CHD3: variants seen among roughly 807,000 people sequenced by gnomAD.
CHD3 encodes the protein chromodomain helicase DNA binding protein 3.
In CHD3, 52 loss-of-function variants were observed where a neutral mutation model predicts 248.9. That is an observed-to-expected ratio of 0.21 (90% confidence interval 0.17 to 0.26). The LOEUF is 0.26. Ranked by LOEUF, CHD3 falls within the 10% of genes least tolerant of loss-of-function variation. The probability of loss-of-function intolerance (pLI) is 1.00; values close to 1 mark genes in which losing one functional copy is unlikely to be tolerated. For synonymous variants in CHD3, 985 were observed against 985.2 expected, an observed-to-expected ratio of 1.00 and a Z score of 0.00; for missense variants, 1,482 against 2,605.8, an observed-to-expected ratio of 0.57 and a Z score of 9.39.
upstream of CHD3, among the ~76,000 whole-genome samples, chr17:7,886,773 C>A (rs992064063): frequency 1.3e-5 from 2 of 152,182 alleles, no homozygotes; most frequent in African/African-American, 4.8e-5. The surrounding 1 kb of genome is among the most constrained non-coding windows in gnomAD (Gnocchi z 4.2). Flanking sequence ...CTGCCAGGGG[C>A]TTGGCAGCGC....
Position 7,893,844 on chromosome 17 carries a change from C to T in CHD3, c.833C>T (p.Pro278Leu). The stretch of plus-strand genomic sequence containing the variant: ...AGGCGGAGTAAGAGCCCCCGAGTGC[C>T]TGATGGACGCAAGAAGCTTCGGGGA... ...HKRRSKSPRV[P>L]DGRKKLRGKK... Residue 278 changes from proline to leucine, a missense_variant, in exon 6 of 40, where the codon CCT (proline) becomes CTT (leucine). This residue lies in a region of CHD3 where 149 missense variants were observed against 182.6 expected (regional missense o/e 0.82). Transcript: ENST00000330494. 1 of 1,614,090 alleles carries T rather than the reference C, an allele frequency of 6.2e-7. No homozygotes were observed. The highest frequency in any genetic ancestry group is 8.5e-7 in the Non-Finnish European group (1 of 1,180,022).
rs1970121934 is a variant in CHD3 at position 7,899,983 on chromosome 17, G to A, written c.2632G>A (p.Ala878Thr). Residue 878 changes from alanine to threonine, a missense_variant, in exon 16 of 40, where the codon GCC becomes ACC. By Grantham distance (58) the Ala-to-Thr change is moderately conservative. Coordinates refer to ENST00000330494, the MANE Select transcript of CHD3 (RefSeq NM_001005273.3). The surrounding 1 kb of genome is among the most constrained non-coding windows in gnomAD (Gnocchi z 6.8). ...DQAALGSIRW[A>T]CLVVDEAHRL... The stretch of plus-strand genomic sequence containing the variant: ...GGCAGCACTTGGTTCCATCCGCTGG[G>A]CCTGTCTTGTGGTAGATGAGGCCCA... 1.9e-6 allele frequency: 3 copies of A among 1,614,018 alleles called. No homozygotes were observed. Among genetic ancestry groups the A allele is most frequent in the Non-Finnish European group, 2.5e-6 (3 of 1,180,030 alleles).
At chr17:7,898,147 G>C in intron 12 of CHD3, 45 bp downstream of exon 12, 1 of 1,604,222 alleles carries the variant, frequency 6.2e-7, no homozygotes, top group Non-Finnish European at 8.5e-7. Flanking sequence ...GACGATGAGG[G>C]CATGAAAGCC....
Position 7,903,919 on chromosome 17 carries a change from T to G in CHD3, c.3822T>G (p.Thr1274=), listed in dbSNP as rs776936266. The part of the protein sequence containing the change: ...LDRNQDATED[T]DVQNMNEYLS... ...GGAACCAGGATGCAACTGAGGACAC[T>G]GACGTGCAGAACATGAATGAGTATC... Residue 1274 remains threonine (T), a synonymous_variant, in exon 24 of 40, where the codon ACT becomes ACG. Coordinates refer to ENST00000330494, the MANE Select transcript of CHD3 (RefSeq NM_001005273.3). The surrounding 1 kb of genome is among the most constrained non-coding windows in gnomAD (Gnocchi z 6.8). 10 of 1,614,082 alleles carry G rather than the reference T, an allele frequency of 6.2e-6. No homozygotes were observed. The highest frequency in any genetic ancestry group is 3.4e-6 in the Non-Finnish European group (4 of 1,180,036).
chr17:7,885,004 C>T (rs923837635), upstream of CHD3: 89 of 1,233,180 alleles, frequency 7.2e-5, no homozygotes, highest in Non-Finnish European at 8.3e-5. Flanking sequence ...ACCGCCACAG[C>T]CCCCCCGGCT....
chr17:7,885,743 C>A (rs980563911), upstream of CHD3, among the ~76,000 whole-genome samples: 1 of 152,116 alleles, frequency 6.6e-6, no homozygotes, highest in Non-Finnish European at 1.5e-5. Flanking sequence ...ACTTAGGTGC[C>A]CGCCAACTGA....
Position 7,904,733 on chromosome 17 carries a change from C to A in CHD3, c.4072+114C>A. 9.9e-7 allele frequency: 1 copy of A among 1,008,282 alleles called. No individual in the cohort carries two copies. Among genetic ancestry groups the A allele is most frequent in the Non-Finnish European group, 1.4e-6 (1 of 695,284 alleles). The allele number at this position is 1,008,282 out of a possible 1,614,324, so 62.5% of individuals were successfully genotyped here. A position where few individuals can be genotyped will look rare whatever the true frequency, so the allele number is the denominator to read the frequency against. ...GAAGCCTAGAAGTCAGAGCCTTCCT[C>A]TGCTAAAAGGGAAAGACATAAGGTA... On this transcript the variant is annotated intron_variant, in intron 25 of 39. Coordinates refer to ENST00000330494, the MANE Select transcript of CHD3 (RefSeq NM_001005273.3). The surrounding 1 kb of genome is among the most constrained non-coding windows in gnomAD (Gnocchi z 4.4).
chr17:7,901,499 T>G lies in CHD3; in HGVS notation c.3252+124T>G, dbSNP rs1052296373. 29 of 535,624 alleles carry G rather than the reference T, an allele frequency of 5.4e-5. No homozygotes were observed. The African/African-American group carries it at 5.7e-4, about 11-fold the overall frequency. The allele number at this position is 535,624 out of a possible 1,614,324, so 33.2% of individuals were successfully genotyped here. On this transcript the variant is annotated intron_variant, in intron 20 of 39. Transcript: ENST00000330494. ...GTGACAAATGAGGAGATTCCTCCTG[T>G]AAGAGTTTTTTTTTTTTTTTTTTTT...
chr17:7,890,834 GAAGC>G, intron 3 of CHD3, 93 bp downstream of exon 3: 1 of 1,583,306 alleles, frequency 6.3e-7, no homozygotes, highest in South Asian at 1.1e-5. Flanking sequence ...AATGGGGCAA[GAAGC>G]AAGAAAGCCC....
rs1426588278 is a variant in CHD3, at chr17:7,897,982, A to G, written c.1931A>G (p.Lys644Arg). Residue 644 changes from lysine (K) to arginine (R), a missense_variant, in exon 12 of 40, where the codon AAG (lysine) becomes AGG (arginine). Lys to Arg is a conservative substitution (Grantham distance 26, BLOSUM62 2). Transcript: ENST00000330494. This position sits in a 1 kb window ranked among gnomAD's most constrained non-coding sequence, Gnocchi z 4.8. ...CTCCTGCCCCACAGTGTGGATAAAA[A>G]GGGGAATTACCACTATCTAGTAAAA... ...HRIINHSVDK[K>R]GNYHYLVKWR... is the part of the protein sequence containing the mutation. The G allele has an allele frequency of 6.2e-7, 1 of 1,613,754 alleles. No homozygotes were observed. Among genetic ancestry groups the G allele is most frequent in the Non-Finnish European group, 8.5e-7 (1 of 1,179,846 alleles).
At chr17:7,890,193 G>A (rs1448723409) in intron 2 of CHD3, among the ~76,000 whole-genome samples, 1 of 152,210 alleles carries the variant, frequency 6.6e-6, no homozygotes, top group Admixed American at 6.5e-5. Context: ...CACTTTGGGA[G>A]GCTGAGCCGG....
chr17:7,895,038 A>G lies in CHD3; in HGVS notation c.1391A>G (p.Asp464Gly). Residue 464 changes from aspartate (D) to glycine (G), a missense_variant, in exon 9 of 40, where the codon GAC becomes GGC. Asp to Gly is a moderately conservative substitution (Grantham distance 94). Around this residue, in one of 20 missense-constraint regions of CHD3, gnomAD observed 138 missense variants for 241.1 expected, o/e 0.57. Coordinates refer to ENST00000330494, the MANE Select transcript of CHD3 (RefSeq NM_001005273.3). This position sits in a 1 kb window ranked among gnomAD's most constrained non-coding sequence, Gnocchi z 4.9. ...DHMEYCRVCK[D>G]GGELLCCDAC... The stretch of plus-strand genomic sequence containing the variant: ...ATGGAGTACTGCCGCGTATGCAAGG[A>G]CGGCGGGGAGCTCCTGTGCTGTGAC... 1 of 1,614,044 alleles carries G rather than the reference A, an allele frequency of 6.2e-7. No homozygotes were observed. Among genetic ancestry groups the G allele is most frequent in the Non-Finnish European group, 8.5e-7 (1 of 1,179,978 alleles).
rs935328564 is a variant in CHD3, at chr17:7,899,788, A to G, written c.2545-108A>G. The G allele has an allele frequency of 1.5e-6, 2 of 1,372,446 alleles. No individual in the cohort carries two copies. Among genetic ancestry groups the G allele is most frequent in the Non-Finnish European group, 2.0e-6 (2 of 988,332 alleles). The allele number at this position is 1,372,446 out of a possible 1,614,324, so 85.0% of individuals were successfully genotyped here. A position where few individuals can be genotyped will look rare whatever the true frequency, so the allele number is the denominator to read the frequency against. On this transcript the variant is annotated intron_variant, in intron 15 of 39. Transcript: ENST00000330494. The surrounding 1 kb of genome is among the most constrained non-coding windows in gnomAD (Gnocchi z 6.8). ...TCTGTAATCCCTGCTTGGAGAACAG[A>G]GTAATGGCTCCTGTTGGGAGCCACA... is the stretch of plus-strand genomic sequence containing the variant.
intron 12 of CHD3, 74 bp from the exon 13 acceptor site, chr17:7,898,422 T>C: frequency 9.1e-7 from 1 of 1,097,542 alleles, no homozygotes; most frequent in Non-Finnish European, 1.4e-6. Flanking sequence ...GGGAAGTAGG[T>C]CTGGAATGGG....
chr17:7,908,117 C>T lies in CHD3; in HGVS notation c.5152+98C>T. Reference sequence around the variant, plus strand: ...TGAGGCTTCCTGCTACCTTTAATTCCAAGTAACTTCCAATGAAGTATGTTG... The same window carrying T: ...TGAGGCTTCCTGCTACCTTTAATTCTAAGTAACTTCCAATGAAGTATGTTG... On this transcript the variant is annotated intron_variant, in intron 34 of 39. Coordinates refer to ENST00000330494, the MANE Select transcript of CHD3 (RefSeq NM_001005273.3). The surrounding 1 kb of genome is among the most constrained non-coding windows in gnomAD (Gnocchi z 5.8). 1 of 1,386,774 alleles carries T rather than the reference C, an allele frequency of 7.2e-7. No individual in the cohort carries two copies. Among genetic ancestry groups the T allele is most frequent in the Non-Finnish European group, 9.8e-7 (1 of 1,017,736 alleles). The allele number at this position is 1,386,774 out of a possible 1,614,324, so 85.9% of individuals were successfully genotyped here.
chr17:7,903,536 G>A lies in CHD3; in HGVS notation c.3727+33G>A. ...CCTTTTCTGCAGCTCTGTGAAAGCA[G>A]GCCCCTGCTCTCTCAGGAGTACTTA... On this transcript the variant is annotated intron_variant, in intron 23 of 39. Transcript: ENST00000330494. This position sits in a 1 kb window ranked among gnomAD's most constrained non-coding sequence, Gnocchi z 6.8. The A allele has an allele frequency of 6.4e-7, 1 of 1,553,646 alleles. No homozygotes were observed. Among genetic ancestry groups the A allele is most frequent in the South Asian group, 1.1e-5 (1 of 87,474 alleles).
Position 7,903,162 on chromosome 17 carries a change from G to A in CHD3, c.3495+101G>A. ...CGGGGTCAGAAATAAATCTCTTCTG[G>A]GAGGAGAGAAGGCCCTTCTTCAGCA... On this transcript the variant is annotated intron_variant, in intron 22 of 39. Coordinates refer to ENST00000330494, the MANE Select transcript of CHD3 (RefSeq NM_001005273.3). This position sits in a 1 kb window ranked among gnomAD's most constrained non-coding sequence, Gnocchi z 6.8. 1 of 1,562,968 alleles carries A rather than the reference G, an allele frequency of 6.4e-7. No homozygotes were observed. The highest frequency in any genetic ancestry group is 8.7e-7 in the Non-Finnish European group (1 of 1,143,562).
chr17:7,904,024 C>T lies in CHD3; in HGVS notation c.3894+33C>T, dbSNP rs1970612317. On this transcript the variant is annotated intron_variant, in intron 24 of 39. Transcript: ENST00000330494. The surrounding 1 kb of genome is among the most constrained non-coding windows in gnomAD (Gnocchi z 4.4). ...GCTTTGGGGGCCAGACATTATCTAT[C>T]CCAGGCCATCTCCAAAAGGCAGTAT... The T allele has an allele frequency of 6.2e-7, 1 of 1,604,872 alleles. No homozygotes were observed. The highest frequency in any genetic ancestry group is 1.1e-5 in the South Asian group (1 of 90,356).
chr17:7,907,454 T>C lies in CHD3; in HGVS notation c.4890T>C (p.Pro1630=). 1 of 1,608,626 alleles carries C rather than the reference T, an allele frequency of 6.2e-7. No individual in the cohort carries two copies. The highest frequency in any genetic ancestry group is 1.7e-5 in the Admixed American group (1 of 59,228). The change falls in exon 32 of 40, where the codon CCT becomes CCC. Residue 1630 remains proline, a synonymous_variant. Coordinates refer to ENST00000330494, the MANE Select transcript of CHD3 (RefSeq NM_001005273.3). The surrounding 1 kb of genome is among the most constrained non-coding windows in gnomAD (Gnocchi z 4.3). ...EVPGVPGEME[P]EPGYRGDREK... ...CAGGGGTGCCTGGAGAGATGGAGCCTGAACCTGGGTACCGTGGGGACAGAG... is the reference window on the plus strand; with the variant it reads ...CAGGGGTGCCTGGAGAGATGGAGCCCGAACCTGGGTACCGTGGGGACAGAG...
Sources: allele counts gnomAD v4.1 joint callset (sites outside exome capture counted in the v4.1 genomes callset), GRCh38; gene constraint gnomAD v4.1.1; regional missense constraint gnomAD v4.1.1; non-coding constraint Gnocchi (gnomAD v3.1); transcripts MANE v1.5; gene names NCBI Gene and HGNC (gene_info 2026-07-23, HGNC 2026-07-21).